Variants in XRCC1 observed in about 807,000 individuals in gnomAD.
XRCC1 encodes the protein DNA repair protein XRCC1.
A neutral mutation model predicts 83.3 loss-of-function variants in XRCC1; 52 were observed. That is an observed-to-expected ratio of 0.62 (90% CI 0.50 to 0.79). XRCC1 has a LOEUF of 0.79. Among genes scored for constraint, XRCC1 ranks in the 30% least tolerant of loss-of-function variants. The probability of loss-of-function intolerance (pLI) is 0.00; values close to 1 mark genes in which losing one functional copy is unlikely to be tolerated. For missense variants in XRCC1, 793 were observed against 823.5 expected (o/e 0.96, Z 0.45); for synonymous variants, 281 against 312.6 (o/e 0.90, Z 1.07).
intron 14 of XRCC1, 43 bp downstream of exon 14, chr19:43,545,775 G>A (rs1972501806): frequency 1.9e-6 from 3 of 1,606,688 alleles, no homozygotes; most frequent in Non-Finnish European, 2.6e-6. Context: ...TGAGAACTGA[G>A]AAGAGAAAAT....
intron 2 of XRCC1, among the ~76,000 whole-genome samples, chr19:43,562,368 C>A (rs968864275): frequency 2.6e-5 from 4 of 152,100 alleles, no homozygotes; most frequent in Admixed American, 2.0e-4. Flanking sequence ...CCATTTCCAA[C>A]CTGCACAACC....
At chr19:43,566,804 G>A (rs964598903) in intron 2 of XRCC1, among the ~76,000 whole-genome samples, 1 of 149,972 alleles carries the variant, frequency 6.7e-6, no homozygotes, top group Non-Finnish European at 1.5e-5. Flanking sequence ...ACTTGAACCT[G>A]GGAAGCAGAG....
chr19:43,548,635 C>T (rs933418433), intron 10 of XRCC1, among the ~76,000 whole-genome samples: 1 of 152,138 alleles, frequency 6.6e-6, no homozygotes, highest in Non-Finnish European at 1.5e-5. Context: ...ACAAACACTG[C>T]GGAAGGCCGC....
intron 10 of XRCC1, among the ~76,000 whole-genome samples, chr19:43,548,779 A>AAAAAAAAAAAAAAAAAAAAC (rs1213062759): frequency 3.5e-4 from 50 of 141,730 alleles, no homozygotes; most frequent in South Asian, 9.5e-4. Context: ...AAAAAAAAAA[A>AAAAAAAAAAAAAAAAAAAAC]AAAAAAACAC....
intron 2 of XRCC1, among the ~76,000 whole-genome samples, chr19:43,572,399 A>G (rs556514534): frequency 6.6e-6 from 1 of 152,362 alleles, no homozygotes; most frequent in Admixed American, 6.5e-5. Context: ...ATGAGAAAAC[A>G]GGTTAGAGAA....
At chr19:43,571,796 A>G (rs1460429340) in intron 2 of XRCC1, among the ~76,000 whole-genome samples, 2 of 152,214 alleles carry the variant, frequency 1.3e-5, no homozygotes, top group Non-Finnish European at 2.9e-5. Flanking sequence ...CTGAGAGTGA[A>G]TATTTTTTGT....
intron 10 of XRCC1, among the ~76,000 whole-genome samples, chr19:43,548,464 T>C (rs3213387): frequency 0.2 from 29,745 of 150,978 alleles, 1,909 homozygotes; most frequent in Non-Finnish European, 0.22. Flanking sequence ...TGTTAATCTA[T>C]GACCTTACCC....
At chr19:43,553,931 G>C (rs1331684924) in intron 4 of XRCC1, among the ~76,000 whole-genome samples, 1 of 152,166 alleles carries the variant, frequency 6.6e-6, no homozygotes, top group Non-Finnish European at 1.5e-5. Flanking sequence ...GAGTCTACTA[G>C]GTGTCCCAGC....
At chr19:43,561,093 T>C (rs1490973039) in intron 2 of XRCC1, 73 bp from the exon 3 acceptor site, 7 of 1,208,638 alleles carry the variant, frequency 5.8e-6, no homozygotes, top group Non-Finnish European at 7.4e-6. Context: ...TCAGGATGAA[T>C]CTCCTTTGGA....
At chr19:43,565,892 C>T (rs928340313) in intron 2 of XRCC1, among the ~76,000 whole-genome samples, 3 of 151,770 alleles carry the variant, frequency 2.0e-5, no homozygotes, top group Admixed American at 6.6e-5. Flanking sequence ...TGAGTTGAGA[C>T]GAGCCACTAC....
At chr19:43,548,484 T>C (rs1300907183) in intron 10 of XRCC1, among the ~76,000 whole-genome samples, 6 of 152,216 alleles carry the variant, frequency 3.9e-5, no homozygotes, top group Admixed American at 3.3e-4. Flanking sequence ...CTCAACCCTG[T>C]GCTCTCTGAA....
intron 6 of XRCC1, 109 bp from the exon 7 acceptor site, chr19:43,553,200 G>C: frequency 7.8e-7 from 1 of 1,282,260 alleles, no homozygotes; most frequent in Non-Finnish European, 1.1e-6. Flanking sequence ...AGTGATCCAG[G>C]AGTCCCAGCC....
intron 10 of XRCC1, among the ~76,000 whole-genome samples, chr19:43,548,503 T>G (rs1295422676): frequency 6.6e-6 from 1 of 152,116 alleles, no homozygotes; most frequent in African/African-American, 2.4e-5. Context: ...AAACATGTGT[T>G]GTGTCCACTC....
intron 10 of XRCC1, among the ~76,000 whole-genome samples, chr19:43,547,792 A>G (rs1972528132): frequency 6.6e-6 from 1 of 152,042 alleles, no homozygotes; most frequent in Non-Finnish European, 1.5e-5. Context: ...GAACCACAGT[A>G]CCCAGAATTC....
chr19:43,558,329 C>T (rs903532640), intron 3 of XRCC1, among the ~76,000 whole-genome samples: 1 of 88,548 alleles, frequency 1.1e-5, no homozygotes, highest in Non-Finnish European at 2.2e-5. Context: ...AGTGAGACCT[C>T]GTTTCAAAAA....
At chr19:43,564,663 C>T (rs1972734364) in intron 2 of XRCC1, among the ~76,000 whole-genome samples, 1 of 152,036 alleles carries the variant, frequency 6.6e-6, no homozygotes, top group South Asian at 2.1e-4. Flanking sequence ...TGGCGCATGC[C>T]TGTAATCCCA....
rs765662981 is a variant in XRCC1 at position 43,546,747 on chromosome 19, G to A, written c.1294-20C>T. ...GGGTTGCTAAGGAGGGAGAGTGGGT[G>A]GGTGAGGAGGGCAGGAACAGTGTGG... On this transcript the variant is annotated intron_variant, in intron 11 of 16. Transcript: ENST00000262887. The A allele has an allele frequency of 1.6e-5, 26 of 1,601,886 alleles. No individual in the cohort carries two copies. The highest frequency in any genetic ancestry group is 2.1e-5 in the Non-Finnish European group (25 of 1,174,306).
rs371008718 is a variant in XRCC1, at chr19:43,546,103, C to T, written c.1430G>A (p.Gly477Glu). The change falls in exon 13 of 17, where the codon GGA becomes GAA. Residue 477 changes from glycine (G) to glutamate (E), a missense_variant. Transcript: ENST00000262887. ...AGAATCTTCCGCCCCATTGTCCTGT[C>T]CTTCTGCAAGTAGAAGCTCAGTCAA... ...DIDIEGVQSE[G>E]QDNGAEDSGD... 1.1e-5 allele frequency: 17 copies of T among 1,613,624 alleles called. No individual in the cohort carries two copies. The highest frequency in any genetic ancestry group is 1.4e-5 in the Non-Finnish European group (17 of 1,179,874).
chr19:43,553,095 T>C lies in XRCC1; in HGVS notation c.602-4A>G, dbSNP rs3213361. 1.3e-6 allele frequency: 2 copies of C among 1,562,750 alleles called. No homozygotes were observed. The highest frequency in any genetic ancestry group is 1.7e-6 in the Non-Finnish European group (2 of 1,153,328). ...CCTGCTGGGTCGCTGGCTGTGACTATGAAGGGAGAAAGTGGATCCAGGATG... is the reference window on the plus strand; with the variant it reads ...CCTGCTGGGTCGCTGGCTGTGACTACGAAGGGAGAAAGTGGATCCAGGATG... On this transcript the variant is annotated splice_region_variant and splice_polypyrimidine_tract_variant and intron_variant, in intron 6 of 16. Transcript: ENST00000262887.
Sources: gnomAD v4.1 joint callset for allele counts (sites outside exome capture counted in the v4.1 genomes callset) on GRCh38, gnomAD v4.1.1 for gene constraint, MANE v1.5 for transcripts, NCBI Gene and HGNC (gene_info 2026-07-23, HGNC 2026-07-21) for gene names.